The following PEBP1 variants were observed in gnomAD, a reference collection of about 807,000 sequenced individuals.
The protein encoded by PEBP1 is phosphatidylethanolamine-binding protein 1.
In PEBP1, 17 loss-of-function variants were observed where a neutral mutation model predicts 22.7. That is an observed-to-expected ratio of 0.75 (90% CI 0.51 to 1.12). The LOEUF (loss-of-function observed/expected upper bound fraction) is 1.12, where lower values mean the gene tolerates loss of function less well. PEBP1 is among the 50% of genes most tolerant of loss of function. PEBP1 has a pLI of 0.00. For synonymous variants in PEBP1, 106 were observed against 104.3 expected (o/e 1.02, Z -0.10); for missense variants, 205 against 243.5 (o/e 0.84, Z 1.05).
chr12:118,143,360 T>C (rs1314659788), intron 3 of PEBP1, among the ~76,000 whole-genome samples: 3 of 152,222 alleles, frequency 2.0e-5, no homozygotes, highest in Non-Finnish European at 4.4e-5. Flanking sequence ...ACTAATGTAA[T>C]GTTCTCAAGG....
rs2034057667 is a variant in PEBP1, at chr12:118,136,304, C to A, written c.95C>A (p.Ala32Glu). 3 of 1,545,694 alleles carry A rather than the reference C, an allele frequency of 1.9e-6. No individual in the cohort carries two copies. Among genetic ancestry groups the A allele is most frequent in the Non-Finnish European group, 2.6e-6 (3 of 1,146,554 alleles). ...QHPLHVTYAG[A>E]AVDELGKVLT... is the part of the protein sequence containing the mutation. ...CCGCTGCATGTCACCTACGCCGGGGCGGCGGTGGACGAGCTGGGCAAAGTG... is the reference window on the plus strand; with the variant it reads ...CCGCTGCATGTCACCTACGCCGGGGAGGCGGTGGACGAGCTGGGCAAAGTG... The change falls in exon 1 of 4, where the codon GCG becomes GAG. Residue 32 changes from alanine to glutamate, a missense_variant. By Grantham distance (107) the Ala-to-Glu change is moderately radical (BLOSUM62 -1). Transcript: ENST00000261313. This position sits in a 1 kb window ranked among gnomAD's most constrained non-coding sequence, Gnocchi z 5.6.
At chr12:118,141,358 G>A (rs1475738546) in intron 3 of PEBP1, among the ~76,000 whole-genome samples, 5 of 151,902 alleles carry the variant, frequency 3.3e-5, no homozygotes, top group Middle Eastern at 3.2e-3. Context: ...CTTGTGATCC[G>A]CCCGCCTTGG....
In PEBP1 at chr12:118,144,665, T is replaced by G. The variant is rs758269274; in HGVS notation, c.426T>G (p.Ser142=). 3.1e-6 allele frequency: 5 copies of G among 1,614,118 alleles called. No homozygotes were observed. The highest frequency in any genetic ancestry group is 3.4e-6 in the Non-Finnish European group (4 of 1,180,020). ...KCDEPILSNR[S]GDHRGKFKVA... is the part of the protein sequence containing the mutation. ...ACGAGCCCATCCTCAGCAACCGATC[T>G]GGAGACCACCGTGGCAAATTCAAGG... Residue 142 remains serine (S), a synonymous_variant, in exon 4 of 4, where the codon TCT becomes TCG. Transcript: ENST00000261313.
chr12:118,139,412 A>T (rs1662488734), intron 2 of PEBP1, 39 bp from the exon 3 acceptor site: 4 of 1,414,058 alleles, frequency 2.8e-6, no homozygotes, highest in Admixed American at 3.4e-5. Context: ...ATGTTCCCTG[A>T]TCTCCTGTGG....
Position 118,138,053 on chromosome 12 carries a change from C to T in PEBP1, c.150C>T (p.Pro50=), listed in dbSNP as rs757857842. ...VLTPTQVKNR[P]TSISWDGLDS... ...CCTTCATACAGGTTAAGAATAGACC[C>T]ACCAGCATTTCGTGGGATGGTCTTG... Residue 50 remains proline (P), a synonymous_variant, in exon 2 of 4, where the codon CCC becomes CCT. Coordinates refer to ENST00000261313, the MANE Select transcript of PEBP1 (RefSeq NM_002567.4). 1.7e-5 allele frequency: 27 copies of T among 1,612,848 alleles called. No homozygotes were observed. In the Admixed American group the frequency reaches 3.8e-4, roughly 23 times the overall value.
intron 3 of PEBP1, among the ~76,000 whole-genome samples, chr12:118,140,738 C>T (rs1012695661): frequency 1.3e-5 from 2 of 152,130 alleles, no homozygotes; most frequent in Non-Finnish European, 2.9e-5. Context: ...CGGGGTTTCA[C>T]CGTGTTAGCC....
Position 118,142,452 on chromosome 12 carries a change from C to G in PEBP1, c.347-2134C>G, listed in dbSNP as rs936959117. ...AGATGATCTGCCCACCTCAGCCTCC[C>G]AAAGTGCTGGGATTACAGGCAAGAG... On this transcript the variant is annotated intron_variant, in intron 3 of 3. Transcript: ENST00000261313. Among the ~76,000 whole-genome samples the G allele has an allele frequency of 2.6e-5, 4 of 151,862 alleles. No homozygotes were observed. The East Asian group carries it at 5.8e-4, about 22-fold the overall frequency.
chr12:118,143,387 G>A (rs556246012), intron 3 of PEBP1, among the ~76,000 whole-genome samples: 1 of 152,298 alleles, frequency 6.6e-6, no homozygotes, highest in South Asian at 2.1e-4. Context: ...GGTGTAGCAT[G>A]TGTCTGAATT....
chr12:118,140,938 A>G (rs1043676097), intron 3 of PEBP1, among the ~76,000 whole-genome samples: 2 of 152,144 alleles, frequency 1.3e-5, no homozygotes, highest in Non-Finnish European at 2.9e-5. Context: ...AACAAAATCC[A>G]CAGATCGGAA....
At chr12:118,143,005 C>T (rs2138088255) in intron 3 of PEBP1, among the ~76,000 whole-genome samples, 1 of 150,676 alleles carries the variant, frequency 6.6e-6, no homozygotes, top group African/African-American at 2.4e-5. Context: ...CTACCTACCA[C>T]ATCCAGCAAA....
At chr12:118,143,220 A>G (rs1016491765) in intron 3 of PEBP1, among the ~76,000 whole-genome samples, 2 of 152,098 alleles carry the variant, frequency 1.3e-5, no homozygotes, top group Non-Finnish European at 2.9e-5. Flanking sequence ...CCCTGTCCCC[A>G]TTGACCAACA....
intron 1 of PEBP1, among the ~76,000 whole-genome samples, chr12:118,137,769 C>T (rs1456172245): frequency 6.6e-6 from 1 of 152,028 alleles, no homozygotes; most frequent in East Asian, 1.9e-4. Flanking sequence ...CCGCCTGCAG[C>T]CTCTGCCTCC....
chr12:118,139,071 T>C (rs950592952), intron 2 of PEBP1: 1 of 233,310 alleles, frequency 4.3e-6, no homozygotes, highest in Non-Finnish European at 8.6e-6. Context: ...TTCCAGCACT[T>C]TGGGAGGCCG....
In PEBP1 at chr12:118,144,679, G is replaced by A; in HGVS notation, c.440G>A (p.Gly147Asp). The A allele has an allele frequency of 6.2e-7, 1 of 1,614,086 alleles. No homozygotes were observed. Among genetic ancestry groups the A allele is most frequent in the Non-Finnish European group, 8.5e-7 (1 of 1,180,024 alleles). The change falls in exon 4 of 4, where the codon GGC (glycine) becomes GAC (aspartate). Residue 147 changes from glycine to aspartate, a missense_variant. Physicochemically the swap from Gly to Asp is moderately conservative, Grantham distance 94 (BLOSUM62 -1). Transcript: ENST00000261313. ...ILSNRSGDHRGKFKVASFRKK... is the reference protein window; with the variant it reads ...ILSNRSGDHRDKFKVASFRKK... ...AGCAACCGATCTGGAGACCACCGTGGCAAATTCAAGGTGGCGTCCTTCCGT... is the reference window on the plus strand; with the variant it reads ...AGCAACCGATCTGGAGACCACCGTGACAAATTCAAGGTGGCGTCCTTCCGT...
chr12:118,137,611 G>T (rs76695200), intron 1 of PEBP1, among the ~76,000 whole-genome samples: 1 of 152,172 alleles, frequency 6.6e-6, no homozygotes, highest in African/African-American at 2.4e-5. Context: ...AGTCAATACA[G>T]GGTCATTGAT....
chr12:118,138,042 A>G lies in PEBP1; in HGVS notation c.139A>G (p.Lys47Glu). 1 of 1,611,054 alleles carries G rather than the reference A, an allele frequency of 6.2e-7. No homozygotes were observed. Among genetic ancestry groups the G allele is most frequent in the South Asian group, 1.1e-5 (1 of 90,726 alleles). ...LGKVLTPTQV[K>E]NRPTSISWDG... The stretch of plus-strand genomic sequence containing the variant: ...GCAAACTGGTTCCTTCATACAGGTT[A>G]AGAATAGACCCACCAGCATTTCGTG... Residue 47 changes from lysine (K) to glutamate (E), a missense_variant, in exon 2 of 4, where the codon AAG (lysine) becomes GAG (glutamate). Physicochemically the swap from Lys to Glu is moderately conservative, Grantham distance 56. Coordinates refer to ENST00000261313, the MANE Select transcript of PEBP1 (RefSeq NM_002567.4).
intron 1 of PEBP1, among the ~76,000 whole-genome samples, chr12:118,137,355 A>T (rs1225131489): frequency 6.6e-6 from 1 of 152,086 alleles, no homozygotes; most frequent in Non-Finnish European, 1.5e-5. Context: ...CTGAAATAAT[A>T]TACAGCCTGG....
Position 118,144,882 on chromosome 12 carries a change from T to A in PEBP1, c.*79T>A. On this transcript the variant is annotated 3_prime_UTR_variant, in exon 4 of 4. Transcript: ENST00000261313. ...GTTCAGTGTTGCATGTATAATAGAT[T>A]TCTCCTCTTCCTGCCCCCCTTGGCA... 2 of 1,601,762 alleles carry A rather than the reference T, an allele frequency of 1.2e-6. No homozygotes were observed. The highest frequency in any genetic ancestry group is 1.7e-6 in the Non-Finnish European group (2 of 1,178,214).
chr12:118,137,469 C>A (rs552525899), intron 1 of PEBP1, among the ~76,000 whole-genome samples: 1 of 152,008 alleles, frequency 6.6e-6, no homozygotes. Flanking sequence ...GAGGATCGAT[C>A]GATTGAGCGC....
Sources: allele counts gnomAD v4.1 joint callset (sites outside exome capture counted in the v4.1 genomes callset), GRCh38; gene constraint gnomAD v4.1.1; non-coding constraint Gnocchi (gnomAD v3.1); transcripts MANE v1.5; gene names NCBI Gene and HGNC (gene_info 2026-07-23, HGNC 2026-07-21).